INSL6: variants seen among roughly 807,000 people sequenced by gnomAD.
The protein encoded by INSL6 is insulin-like peptide INSL6.
A neutral mutation model predicts 9.4 loss-of-function variants in INSL6; 16 were observed. The observed-to-expected ratio is 1.70, with a 90% confidence interval of 1.15 to 2.59. The LOEUF is 2.59. Among genes scored for constraint, INSL6 ranks in the 30% most tolerant of loss-of-function variants. INSL6 has a pLI of 0.00. For missense variants in INSL6, 391 were observed against 257.3 expected (o/e 1.52, Z -3.56); for synonymous variants, 154 against 96.9 (o/e 1.59, Z -3.46).
the INSL6 span, among the ~76,000 whole-genome samples, chr9:5,115,286 T>C: frequency 2.0e-5 from 3 of 152,182 alleles, no homozygotes; most frequent in African/African-American, 4.8e-5. Context: ...AAGACATTTA[T>C]GTGGCCAACA....
chr9:5,089,673 G>A, the INSL6 span: 2 of 1,353,696 alleles, frequency 1.5e-6, no homozygotes, highest in Non-Finnish European at 1.9e-6. Flanking sequence ...GTGTCATTTA[G>A]GGTAATTTTG....
intron 1 of INSL6, among the ~76,000 whole-genome samples, chr9:5,172,011 G>A (rs925663341): frequency 6.6e-6 from 1 of 152,156 alleles, no homozygotes; most frequent in Non-Finnish European, 1.5e-5. Flanking sequence ...AACCAAAAGA[G>A]CTCAAACAGC....
intron 2 of INSL6, among the ~76,000 whole-genome samples, chr9:5,155,950 T>G (rs960310776): frequency 6.6e-6 from 1 of 152,062 alleles, no homozygotes; most frequent in African/African-American, 2.4e-5. Context: ...CCAATACATT[T>G]GTAAACCTCA....
At chr9:5,055,801 T>A in the INSL6 span, 11 of 1,601,584 alleles carry the variant, frequency 6.9e-6, no homozygotes, top group Non-Finnish European at 9.4e-6. Context: ...AAGTTTGCTT[T>A]ATGATTGAAT....
At chr9:5,081,886 T>TA in the INSL6 span, 2 of 1,583,370 alleles carry the variant, frequency 1.3e-6, no homozygotes, top group South Asian at 2.2e-5. Flanking sequence ...TTTTTTCAAA[T>TA]AGAGTATAAT....
At chr9:5,133,165 T>G (rs1378356257) in intron 3 of INSL6, among the ~76,000 whole-genome samples, 3 of 150,084 alleles carry the variant, frequency 2.0e-5, no homozygotes, top group Non-Finnish European at 4.4e-5. Flanking sequence ...GATATTAGAG[T>G]GTCATGGTAG....
At chr9:5,027,951 C>G in the INSL6 span, among the ~76,000 whole-genome samples, 3 of 152,190 alleles carry the variant, frequency 2.0e-5, 1 homozygote, top group Admixed American at 2.0e-4. Context: ...CAAAGATACC[C>G]ATGAGAGCCA....
intron 2 of INSL6, among the ~76,000 whole-genome samples, chr9:5,154,248 G>A (rs574581653): frequency 2.6e-5 from 4 of 152,320 alleles, no homozygotes; most frequent in Middle Eastern, 6.8e-3. Context: ...AATAAATGGT[G>A]TTGGGAAAAC....
the INSL6 span, among the ~76,000 whole-genome samples, chr9:5,035,182 G>A: frequency 6.6e-6 from 1 of 152,152 alleles, no homozygotes; most frequent in Non-Finnish European, 1.5e-5. Flanking sequence ...GACTAAACCA[G>A]AAAGAAGTTG....
At chr9:5,121,192 A>G (rs145311690), downstream of INSL6, among the ~76,000 whole-genome samples, 878 of 152,272 alleles carry the variant, frequency 5.8e-3, 9 homozygotes, top group African/African-American at 0.02. Context: ...AAGGAAAACA[A>G]TTTTATGATT....
the INSL6 span, chr9:5,107,790 AT>A: frequency 6.6e-6 from 1 of 152,108 alleles, no homozygotes; most frequent in African/African-American, 2.4e-5. Context: ...TTAAATATAC[AT>A]TTTACTCTAG....
At chr9:5,163,863 T>A, downstream of INSL6, 1 of 1,194,524 alleles carries the variant, frequency 8.4e-7, no homozygotes, top group Non-Finnish European at 1.2e-6. Context: ...AAAAATAGAG[T>A]TAAATAAATG....
chr9:5,151,460 C>A (rs931435476), intron 2 of INSL6, among the ~76,000 whole-genome samples: 3 of 151,556 alleles, frequency 2.0e-5, no homozygotes, highest in Non-Finnish European at 2.9e-5. Flanking sequence ...GTTTATAATG[C>A]ATGCAGCAGT....
At chr9:5,087,963 G>A in the INSL6 span, among the ~76,000 whole-genome samples, 1 of 152,132 alleles carries the variant, frequency 6.6e-6, no homozygotes, top group African/African-American at 2.4e-5. Flanking sequence ...TAATTTCAAG[G>A]AATATATAGT....
At chr9:5,174,263 T>C (rs568985179) in intron 1 of INSL6, among the ~76,000 whole-genome samples, 36 of 152,294 alleles carry the variant, frequency 2.4e-4, no homozygotes, top group African/African-American at 8.4e-4. Flanking sequence ...ATTTTCTCTT[T>C]TCTGTAACAA....
chr9:5,085,680 T>C, the INSL6 span: 6 of 737,508 alleles, frequency 8.1e-6, no homozygotes, highest in African/African-American at 1.7e-5. Context: ...ACGTGCATTA[T>C]CAATAACGTC....
chr9:5,006,733 C>G, the INSL6 span, among the ~76,000 whole-genome samples: 3 of 152,210 alleles, frequency 2.0e-5, no homozygotes, highest in Admixed American at 6.5e-5. Flanking sequence ...AAATCCATCC[C>G]ATGACCCAGT....
At chr9:5,126,947 TAGTA>T in intron 3 of INSL6, 1 of 414,340 alleles carries the variant, frequency 2.4e-6, no homozygotes, top group Non-Finnish European at 4.2e-6. Context: ...TTTCAAAGTT[TAGTA>T]AGTTTTTCTT....
chr9:5,078,315 A>G, the INSL6 span: 1 of 1,611,420 alleles, frequency 6.2e-7, no homozygotes, highest in Non-Finnish European at 8.5e-7. Context: ...GGAAGAAAAC[A>G]CCCTTATTCA....
Sources: allele counts gnomAD v4.1 joint callset (sites outside exome capture counted in the v4.1 genomes callset), GRCh38; gene constraint gnomAD v4.1.1; transcripts MANE v1.5; gene names NCBI Gene and HGNC (gene_info 2026-07-23, HGNC 2026-07-21).